The following CCDC171 variants were observed in gnomAD, a reference collection of about 807,000 sequenced individuals.
CCDC171 encodes coiled-coil domain containing 171, also known as coiled-coil domain-containing protein 171.
Under a neutral mutation model 168.2 loss-of-function variants are expected in CCDC171, and 177 were observed. That is an observed-to-expected ratio of 1.05 (90% CI 0.93 to 1.19). The LOEUF is 1.19. Ranked by LOEUF, CCDC171 falls within the 50% of genes most tolerant of loss-of-function variation. The pLI is 0.00. For synonymous variants in CCDC171, 687 were observed against 540.8 expected (o/e 1.27, Z -3.75); for missense variants, 1,991 against 1,539.0 (o/e 1.29, Z -4.91).
chr9:15,760,704 C>A (rs1225385192), intron 18 of CCDC171, among the ~76,000 whole-genome samples: 1 of 152,100 alleles, frequency 6.6e-6, no homozygotes, highest in African/African-American at 2.4e-5. Context: ...ACAGGAGGTT[C>A]AATAACAATA....
At chr9:15,756,905 A>G (rs2134992504) in intron 18 of CCDC171, among the ~76,000 whole-genome samples, 1 of 152,302 alleles carries the variant, frequency 6.6e-6, no homozygotes, top group Non-Finnish European at 1.5e-5. Flanking sequence ...ACCATGTGAG[A>G]TGTGCCTTTC....
chr9:15,784,764 A>T, intron 21 of CCDC171, 70 bp downstream of exon 21: 2 of 1,154,570 alleles, frequency 1.7e-6, no homozygotes, highest in East Asian at 4.9e-5. Context: ...GGGAATTATG[A>T]TATCTCCTGA....
intron 24 of CCDC171, among the ~76,000 whole-genome samples, chr9:15,909,713 A>G (rs1011752977): frequency 2.0e-5 from 3 of 152,210 alleles, no homozygotes; most frequent in Non-Finnish European, 4.4e-5. Context: ...GAATGAAAGT[A>G]AGTCTAATAA....
chr9:15,810,171 A>C (rs940923584), intron 21 of CCDC171, among the ~76,000 whole-genome samples: 4 of 151,822 alleles, frequency 2.6e-5, no homozygotes, highest in Non-Finnish European at 5.9e-5. Flanking sequence ...GCTAGACACA[A>C]AGTTCTCCAA....
At chr9:15,914,389 G>A (rs1338092540) in intron 24 of CCDC171, among the ~76,000 whole-genome samples, 1 of 152,168 alleles carries the variant, frequency 6.6e-6, no homozygotes, top group Non-Finnish European at 1.5e-5. Context: ...CAGTGGCTTT[G>A]CTGAACTGCA....
chr9:15,827,400 G>T (rs2136191891), intron 21 of CCDC171, among the ~76,000 whole-genome samples: 1 of 152,220 alleles, frequency 6.6e-6, no homozygotes, highest in Admixed American at 6.5e-5. Flanking sequence ...CTAGGTTGTA[G>T]ACCATTACTC....
chr9:15,649,334 A>G (rs1018866611), intron 7 of CCDC171, among the ~76,000 whole-genome samples: 43 of 152,360 alleles, frequency 2.8e-4, no homozygotes, highest in African/African-American at 1.0e-3. Flanking sequence ...GGACATAGGC[A>G]TGGGCAAGGA....
the CCDC171 span, among the ~76,000 whole-genome samples, chr9:16,106,747 A>C: frequency 6.6e-6 from 1 of 152,110 alleles, no homozygotes; most frequent in African/African-American, 2.4e-5. Context: ...GAATATGGTA[A>C]AATATGCTAA....
intron 7 of CCDC171, chr9:16,036,002 T>C (rs975805279): frequency 6.6e-6 from 1 of 152,202 alleles, no homozygotes; most frequent in African/African-American, 2.4e-5. Flanking sequence ...ATTGATGGCA[T>C]AGATTTATAC....
chr9:15,737,256 A>G (rs564895981), intron 16 of CCDC171, among the ~76,000 whole-genome samples: 3 of 152,324 alleles, frequency 2.0e-5, no homozygotes, highest in East Asian at 1.9e-4. Context: ...GAGGTATACT[A>G]TATATTTTTT....
At chr9:16,045,112 A>G (rs904040112) in intron 1 of CCDC171, among the ~76,000 whole-genome samples, 1 of 152,218 alleles carries the variant, frequency 6.6e-6, no homozygotes, top group Non-Finnish European at 1.5e-5. Context: ...GGGTATAGGA[A>G]TAAATTCCAC....
chr9:15,744,697 T>G lies in CCDC171; in HGVS notation c.2474T>G (p.Phe825Cys). 6.2e-7 allele frequency: 1 copy of G among 1,614,158 alleles called. No homozygotes were observed. ...TTGGGCCAATCATGTGCCTCTCTTT[T>G]TACCTGGATGGAGAGTTTCAAAGAA... Reference protein sequence around the residue: ...KILGQSCASLFTWMESFKEGI... With the variant: ...KILGQSCASLCTWMESFKEGI... Residue 825 changes from phenylalanine to cysteine, a missense_variant, in exon 17 of 26, where the codon TTT (phenylalanine) becomes TGT (cysteine). By Grantham distance (205) the Phe-to-Cys change is radical. Transcript: ENST00000380701.
intron 21 of CCDC171, among the ~76,000 whole-genome samples, chr9:15,785,578 A>G (rs891204213): frequency 2.0e-5 from 3 of 152,034 alleles, no homozygotes; most frequent in Admixed American, 6.6e-5. Flanking sequence ...GTATGGGATT[A>G]TAAAACACTT....
intron 3 of CCDC171, among the ~76,000 whole-genome samples, chr9:15,986,835 T>TTAA (rs1490513834): frequency 6.6e-6 from 1 of 152,174 alleles, no homozygotes; most frequent in Non-Finnish European, 1.5e-5. Context: ...AATGTAGTAA[T>TTAA]TAAGTAAAGT....
rs143745148 is a variant in CCDC171, at chr9:15,555,895, C to T, written c.-112+2593C>T. On this transcript the variant is annotated intron_variant, in intron 1 of 25. Coordinates refer to ENST00000380701, the MANE Select transcript of CCDC171 (RefSeq NM_173550.4). Reference sequence around the variant, plus strand: ...TCCCCACCCTGTGTCCAAGTATTCTCGTTGTTCAATTCCTACCTAAGAGTG... The same window carrying T: ...TCCCCACCCTGTGTCCAAGTATTCTTGTTGTTCAATTCCTACCTAAGAGTG... 2.1e-3 allele frequency among the ~76,000 whole-genome samples: 323 copies of T among 152,096 alleles called. 4 individuals are homozygous for T. Among genetic ancestry groups the T allele is most frequent in the East Asian group, 0.015 (79 of 5,178 alleles).
At chr9:15,708,193 G>C (rs2052390819) in intron 11 of CCDC171, among the ~76,000 whole-genome samples, 1 of 152,198 alleles carries the variant, frequency 6.6e-6, no homozygotes, top group South Asian at 2.1e-4. Context: ...TGTTATTTAT[G>C]ATTTGCAAAC....
intron 8 of CCDC171, among the ~76,000 whole-genome samples, chr9:15,664,145 A>G (rs774265581): frequency 2.0e-5 from 3 of 152,174 alleles, no homozygotes; most frequent in Non-Finnish European, 4.4e-5. Flanking sequence ...GGGATGAGCT[A>G]TTACTTAATG....
intron 21 of CCDC171, among the ~76,000 whole-genome samples, chr9:15,831,107 C>T (rs1368644759): frequency 6.6e-6 from 1 of 151,630 alleles, no homozygotes; most frequent in South Asian, 2.1e-4. Flanking sequence ...ATAGCTGGGA[C>T]TACAGGTGCC....
intron 21 of CCDC171, among the ~76,000 whole-genome samples, chr9:15,808,871 T>C (rs2059196461): frequency 6.6e-6 from 1 of 152,062 alleles, no homozygotes; most frequent in South Asian, 2.1e-4. Context: ...TTTTCTCACA[T>C]TGCTGGTTAT....
Sources: allele counts gnomAD v4.1 joint callset (sites outside exome capture counted in the v4.1 genomes callset), GRCh38; gene constraint gnomAD v4.1.1; transcripts MANE v1.5; gene names NCBI Gene and HGNC (gene_info 2026-07-23, HGNC 2026-07-21).